NPAS3: variants seen among roughly 807,000 people sequenced by gnomAD.
NPAS3 encodes neuronal PAS domain protein 3, also known as neuronal PAS domain-containing protein 3.
NPAS3 carries 14 observed loss-of-function variants against 73.1 expected under a neutral mutation model. That is an observed-to-expected ratio of 0.19 (90% CI 0.13 to 0.30). NPAS3 has a LOEUF of 0.30. Ranked by LOEUF, NPAS3 falls within the 10% of genes least tolerant of loss-of-function variation. NPAS3 has a pLI of 1.00. For synonymous variants in NPAS3, 620 were observed against 541.5 expected (o/e 1.14, Z -2.01); for missense variants, 1,096 against 1,250.0 (o/e 0.88, Z 1.86).
intron 9 of NPAS3, among the ~76,000 whole-genome samples, chr14:33,792,058 A>G (rs2063373470): frequency 6.6e-6 from 1 of 152,204 alleles, no homozygotes; most frequent in Non-Finnish European, 1.5e-5. Context: ...GATTTGAATA[A>G]AAGCACATCT....
intron 7 of NPAS3, among the ~76,000 whole-genome samples, chr14:33,755,374 C>A (rs2062084062): frequency 6.6e-6 from 1 of 152,118 alleles, no homozygotes; most frequent in Non-Finnish European, 1.5e-5. Flanking sequence ...TGAAGAAAAG[C>A]CACTTTTAAC....
At chr14:33,478,343 T>A (rs1229949691) in intron 4 of NPAS3, among the ~76,000 whole-genome samples, 1 of 152,180 alleles carries the variant, frequency 6.6e-6, no homozygotes, top group Non-Finnish European at 1.5e-5. Context: ...CATAAAATGC[T>A]ACAATGCAGA....
intron 7 of NPAS3, among the ~76,000 whole-genome samples, chr14:33,747,251 G>T (rs748706426): frequency 3.9e-5 from 6 of 152,050 alleles, no homozygotes; most frequent in African/African-American, 1.2e-4. Context: ...CGGAATACTA[G>T]GCAGCCATAA....
chr14:33,637,977 T>C (rs1393079691), intron 5 of NPAS3, among the ~76,000 whole-genome samples: 1 of 152,172 alleles, frequency 6.6e-6, no homozygotes, highest in East Asian at 1.9e-4. Context: ...TATGAAGTGA[T>C]CTTTCCGTGC....
chr14:33,639,502 G>A (rs2058617587), intron 5 of NPAS3, among the ~76,000 whole-genome samples: 1 of 152,144 alleles, frequency 6.6e-6, no homozygotes, highest in Admixed American at 6.5e-5. Flanking sequence ...CTAGGATGGA[G>A]TTCACACTAG....
chr14:33,613,553 C>A (rs1426568570), intron 5 of NPAS3, among the ~76,000 whole-genome samples: 2 of 152,194 alleles, frequency 1.3e-5, no homozygotes, highest in African/African-American at 2.4e-5. Context: ...CTACATTCTG[C>A]TCCTATTTCA....
chr14:33,099,576 TACTCGATATTAAATA>T (rs1405967723), intron 2 of NPAS3, among the ~76,000 whole-genome samples: 1 of 152,198 alleles, frequency 6.6e-6, no homozygotes, highest in Non-Finnish European at 1.5e-5. Context: ...TAAAGGGAAT[TACTCGATATTAAATA>T]ACTAAACATT....
chr14:33,634,688 A>C (rs2058467549), intron 5 of NPAS3, among the ~76,000 whole-genome samples: 1 of 152,104 alleles, frequency 6.6e-6, no homozygotes. Context: ...AGGTTTGGGG[A>C]TACGGGGAGG....
intron 5 of NPAS3, among the ~76,000 whole-genome samples, chr14:33,614,713 C>G (rs760211725): frequency 6.6e-6 from 1 of 152,152 alleles, no homozygotes; most frequent in Non-Finnish European, 1.5e-5. Context: ...AAGCCATTAT[C>G]TAGTTCTTCA....
upstream of NPAS3, among the ~76,000 whole-genome samples, chr14:32,938,525 A>AGAGAGAGAGAGAGAGG (rs1566779564): frequency 4.5e-5 from 3 of 66,244 alleles, no homozygotes; most frequent in Non-Finnish European, 5.9e-5. Flanking sequence ...GAGAGAGAGA[A>AGAGAGAGAGAGAGAGG]GGGGGGGGAG....
intron 1 of NPAS3, among the ~76,000 whole-genome samples, chr14:33,046,872 G>C (rs777453707): frequency 4.6e-5 from 7 of 152,182 alleles, no homozygotes; most frequent in Non-Finnish European, 8.8e-5. Context: ...GCTACTAGAG[G>C]CTGAGGCAGG....
intron 2 of NPAS3, among the ~76,000 whole-genome samples, chr14:33,110,886 A>C (rs2042870404): frequency 6.6e-6 from 1 of 152,194 alleles, no homozygotes; most frequent in Non-Finnish European, 1.5e-5. Flanking sequence ...GGGTAAAATG[A>C]GACTGCTGAC....
chr14:33,228,203 C>T (rs1320012672), intron 3 of NPAS3, among the ~76,000 whole-genome samples: 1 of 152,130 alleles, frequency 6.6e-6, no homozygotes, highest in Non-Finnish European at 1.5e-5. Context: ...GAAGAGGTAG[C>T]TCAACATGCA....
At chr14:33,596,448 G>A (rs1039536381) in intron 5 of NPAS3, among the ~76,000 whole-genome samples, 1 of 152,188 alleles carries the variant, frequency 6.6e-6, no homozygotes, top group African/African-American at 2.4e-5. Flanking sequence ...CATAAATTGA[G>A]AAATAGTGGG....
chr14:33,113,274 A>G (rs1196824128), intron 2 of NPAS3, among the ~76,000 whole-genome samples: 3 of 152,070 alleles, frequency 2.0e-5, no homozygotes, highest in Non-Finnish European at 4.4e-5. Flanking sequence ...GGCCATTTTC[A>G]TGATATTGAT....
At chr14:33,437,113 C>T (rs544310705) in intron 4 of NPAS3, among the ~76,000 whole-genome samples, 24 of 152,252 alleles carry the variant, frequency 1.6e-4, no homozygotes, top group Admixed American at 3.9e-4. Context: ...ATGACATGCA[C>T]GAAGGCAGCG....
intron 1 of NPAS3, among the ~76,000 whole-genome samples, chr14:32,968,476 G>T (rs1380963713): frequency 2.0e-5 from 3 of 152,056 alleles, no homozygotes; most frequent in South Asian, 2.1e-4. Flanking sequence ...AGGTGATATA[G>T]GTTGGTGTCT....
intron 3 of NPAS3, among the ~76,000 whole-genome samples, chr14:33,226,099 T>C (rs945969556): frequency 6.6e-6 from 1 of 152,194 alleles, no homozygotes; most frequent in African/African-American, 2.4e-5. Context: ...AAAAATTAAG[T>C]GAAAAGTCAT....
intron 2 of NPAS3, among the ~76,000 whole-genome samples, chr14:33,142,926 A>G (rs1480834454): frequency 6.6e-6 from 1 of 151,702 alleles, no homozygotes; most frequent in Non-Finnish European, 1.5e-5. Context: ...ACACGGTGAA[A>G]CCCTATCTCT....
Sources: allele counts gnomAD v4.1 joint callset (sites outside exome capture counted in the v4.1 genomes callset), GRCh38; gene constraint gnomAD v4.1.1; transcripts MANE v1.5; gene names NCBI Gene and HGNC (gene_info 2026-07-23, HGNC 2026-07-21).